Variants in LDAH observed in about 807,000 individuals in gnomAD.
The protein encoded by LDAH is lipid droplet associated hydrolase.
A neutral mutation model predicts 29.6 loss-of-function variants in LDAH; 26 were observed. The observed-to-expected ratio is 0.88, with a 90% CI of 0.64 to 1.22. The LOEUF (loss-of-function observed/expected upper bound fraction) is 1.22, where lower values mean the gene tolerates loss of function less well. Ranked by LOEUF, LDAH falls within the 50% of genes most tolerant of loss-of-function variation. The pLI, the probability that LDAH is intolerant of heterozygous loss-of-function variation, is 0.00. For synonymous variants in LDAH, 117 were observed against 133.0 expected (o/e 0.88, Z 0.83); for missense variants, 344 against 387.3 (o/e 0.89, Z 0.94).
chr2:20,769,896 A>G (rs915941669), intron 4 of LDAH, among the ~76,000 whole-genome samples: 1 of 152,338 alleles, frequency 6.6e-6, no homozygotes, highest in Non-Finnish European at 1.5e-5. Flanking sequence ...AATTAGTAGC[A>G]ATAAATTAGA....
chr2:20,787,689 T>A (rs1367345899), intron 3 of LDAH, among the ~76,000 whole-genome samples: 1 of 152,214 alleles, frequency 6.6e-6, no homozygotes, highest in African/African-American at 2.4e-5. Flanking sequence ...TTTAAAAAAA[T>A]TCTATGCTAA....
rs1668652472 is a variant in LDAH, at chr2:20,761,054, A to G, written c.468+13756T>C. Among the ~76,000 whole-genome samples the G allele has an allele frequency of 2.6e-5, 4 of 152,186 alleles. No homozygotes were observed. The South Asian group carries it at 8.3e-4, about 31-fold the overall frequency. ...TCCGAGACCATAATAATATTCTTCA[A>G]TTCTATCTTATAGAAGCTGAATTAG... On this transcript the variant is annotated intron_variant, in intron 4 of 6. Coordinates refer to ENST00000237822, the MANE Select transcript of LDAH (RefSeq NM_021925.4).
chr2:20,717,531 T>C (rs951912604), intron 5 of LDAH, among the ~76,000 whole-genome samples: 1 of 152,212 alleles, frequency 6.6e-6, no homozygotes, highest in Non-Finnish European at 1.5e-5. Flanking sequence ...ACTCTTCCAA[T>C]ATGATATATG....
intron 4 of LDAH, among the ~76,000 whole-genome samples, chr2:20,766,504 T>A (rs1232602887): frequency 6.6e-6 from 1 of 152,176 alleles, no homozygotes; most frequent in East Asian, 1.9e-4. Context: ...CATAGAGAGA[T>A]CTTCATAGGG....
intron 6 of LDAH, 100 bp downstream of exon 6, chr2:20,701,470 C>A: frequency 3.2e-6 from 3 of 949,608 alleles, no homozygotes; most frequent in Non-Finnish European, 5.0e-6. Flanking sequence ...ATTCTACCAA[C>A]CCTTAAAGTC....
intron 5 of LDAH, among the ~76,000 whole-genome samples, chr2:20,712,276 A>T (rs779926242): frequency 6.6e-6 from 1 of 152,228 alleles, no homozygotes; most frequent in Non-Finnish European, 1.5e-5. Context: ...AAACTCCAAC[A>T]GACCTGCGGC....
At position 20,739,990 on chromosome 2, in the gene LDAH, T is replaced by C. The variant is rs370742743; in HGVS notation, c.684A>G (p.Ile228Met). Reference protein sequence around the residue: ...NLENEFSPLNILEPFCLANAA... With the variant: ...NLENEFSPLNMLEPFCLANAA... Reference sequence around the variant, plus strand: ...GCTTACCAAGGCAGAATGGTTCTAATATATTCAATGGTGAAAATTCATTCT... The same window carrying C: ...GCTTACCAAGGCAGAATGGTTCTAACATATTCAATGGTGAAAATTCATTCT... Residue 228 changes from isoleucine (I) to methionine (M), a missense_variant, in exon 5 of 7, where the codon ATA becomes ATG. Ile to Met is a conservative substitution (Grantham distance 10, BLOSUM62 1). Coordinates refer to ENST00000237822, the MANE Select transcript of LDAH (RefSeq NM_021925.4). 1.5e-5 allele frequency: 24 copies of C among 1,613,456 alleles called. No individual in the cohort carries two copies. The highest frequency in any genetic ancestry group is 1.7e-4 in the Middle Eastern group (1 of 6,060).
chr2:20,783,178 C>T (rs1670320528), intron 3 of LDAH, among the ~76,000 whole-genome samples: 2 of 152,128 alleles, frequency 1.3e-5, no homozygotes, highest in Admixed American at 6.5e-5. Flanking sequence ...GGTCTAAGAG[C>T]ATACCTTGTA....
chr2:20,745,354 G>A (rs1411552535), intron 4 of LDAH, among the ~76,000 whole-genome samples: 3 of 152,130 alleles, frequency 2.0e-5, no homozygotes, highest in Non-Finnish European at 2.9e-5. Flanking sequence ...CATCTTAACA[G>A]GTGTTAGGTG....
rs1294733511 is a variant in LDAH, at chr2:20,713,748, A to AAAC, written c.704-12099_704-12097dup. 2.0e-5 allele frequency among the ~76,000 whole-genome samples: 3 copies of AAAC among 152,214 alleles called. No individual in the cohort carries two copies. In the East Asian group the frequency reaches 5.8e-4, roughly 29 times the overall value. On this transcript the variant is annotated intron_variant, in intron 5 of 6. Transcript: ENST00000237822. ...GGGATTGCAATCCTCATCTCAGATG[A>AAAC]AACAGACTTTAAACCAACAAAGATC... is the stretch of plus-strand genomic sequence containing the variant.
chr2:20,696,353 T>C (rs956497966), intron 6 of LDAH, among the ~76,000 whole-genome samples: 6 of 152,184 alleles, frequency 3.9e-5, no homozygotes, highest in Non-Finnish European at 5.9e-5. Flanking sequence ...GTTCCTGTTC[T>C]TGAGGACACT....
intron 1 of LDAH, among the ~76,000 whole-genome samples, chr2:20,821,592 G>A (rs955334758): frequency 6.6e-6 from 1 of 152,026 alleles, no homozygotes; most frequent in African/African-American, 2.4e-5. Context: ...CAGGAAGGGG[G>A]AGATCACACA....
intron 5 of LDAH, among the ~76,000 whole-genome samples, chr2:20,713,856 T>C (rs1310217843): frequency 6.6e-6 from 1 of 152,086 alleles, no homozygotes; most frequent in Non-Finnish European, 1.5e-5. Flanking sequence ...ATGCAACCAA[T>C]ACAGGAGCAC....
intron 4 of LDAH, among the ~76,000 whole-genome samples, chr2:20,756,122 C>A (rs1668323579): frequency 6.6e-6 from 1 of 152,012 alleles, no homozygotes; most frequent in African/African-American, 2.4e-5. Flanking sequence ...ACCTCCTCTG[C>A]CTCCCAGGTT....
At chr2:20,747,008 T>C (rs753736934) in intron 4 of LDAH, among the ~76,000 whole-genome samples, 5 of 152,152 alleles carry the variant, frequency 3.3e-5, no homozygotes, top group Admixed American at 1.3e-4. Context: ...TTGATGCTTA[T>C]TTTTCTTGAA....
At chr2:20,822,623 G>C (rs975488004) in intron 1 of LDAH, among the ~76,000 whole-genome samples, 8 of 152,318 alleles carry the variant, frequency 5.3e-5, no homozygotes, top group African/African-American at 1.9e-4. Flanking sequence ...TCTTCAGCGT[G>C]AATAAAAGGC....
intron 2 of LDAH, among the ~76,000 whole-genome samples, chr2:20,795,640 T>A (rs1671254842): frequency 6.6e-6 from 1 of 151,834 alleles, no homozygotes; most frequent in Non-Finnish European, 1.5e-5. Flanking sequence ...CTGTGGATTC[T>A]GATCAAAAAA....
chr2:20,778,402 T>G (rs1669960464), intron 3 of LDAH, among the ~76,000 whole-genome samples: 1 of 152,148 alleles, frequency 6.6e-6, no homozygotes, highest in South Asian at 2.1e-4. Context: ...TTTTGTCTAA[T>G]CGTTCAAATT....
intron 4 of LDAH, among the ~76,000 whole-genome samples, chr2:20,744,899 T>G (rs1667465023): frequency 6.6e-6 from 1 of 152,140 alleles, no homozygotes; most frequent in Admixed American, 6.6e-5. Context: ...GGGTTTCTGT[T>G]TGTGACTGCA....
Sources: allele counts gnomAD v4.1 joint callset (sites outside exome capture counted in the v4.1 genomes callset), GRCh38; gene constraint gnomAD v4.1.1; transcripts MANE v1.5; gene names NCBI Gene and HGNC (gene_info 2026-07-23, HGNC 2026-07-21).